SLC8A1: variants seen among roughly 807,000 people sequenced by gnomAD.
SLC8A1 encodes solute carrier family 8 member A1, also known as sodium/calcium exchanger 1.
Under a neutral mutation model 68.3 loss-of-function variants are expected in SLC8A1, and 18 were observed. The observed-to-expected ratio is 0.26, with a 90% CI of 0.18 to 0.39. The LOEUF (loss-of-function observed/expected upper bound fraction) is 0.39. SLC8A1 is among the 10% of genes least tolerant of loss of function. The pLI, the probability that SLC8A1 is intolerant of heterozygous loss-of-function variation, is 1.00. For missense variants in SLC8A1, 985 were observed against 1,156.7 expected, an observed-to-expected ratio of 0.85 and a Z score of 2.15; for synonymous variants, 475 against 415.5, an observed-to-expected ratio of 1.14 and a Z score of -1.74.
chr2:40,323,009 T>C (rs1316736410), intron 2 of SLC8A1, among the ~76,000 whole-genome samples: 1 of 152,172 alleles, frequency 6.6e-6, no homozygotes, highest in East Asian at 1.9e-4. Context: ...TTTAGTTCAA[T>C]AATTTTTATA....
At chr2:40,483,437 G>C (rs1229218966) in intron 1 of SLC8A1, among the ~76,000 whole-genome samples, 5 of 152,182 alleles carry the variant, frequency 3.3e-5, no homozygotes, top group Admixed American at 1.3e-4. Flanking sequence ...AACAGCATGA[G>C]GAAGTATTTG....
chr2:40,158,229 A>G (rs182928745), intron 6 of SLC8A1, among the ~76,000 whole-genome samples: 60 of 152,334 alleles, frequency 3.9e-4, no homozygotes, highest in African/African-American at 1.3e-3. Flanking sequence ...TCTGACTTCA[A>G]TAAATGCTGC....
At chr2:40,239,578 T>A (rs1446577349) in intron 2 of SLC8A1, among the ~76,000 whole-genome samples, 2 of 152,200 alleles carry the variant, frequency 1.3e-5, no homozygotes, top group East Asian at 3.8e-4. Flanking sequence ...CCTCCTCCCA[T>A]GCACAGTCAC....
chr2:40,141,947 A>T (rs2041648338), intron 6 of SLC8A1, among the ~76,000 whole-genome samples: 1 of 152,160 alleles, frequency 6.6e-6, no homozygotes, highest in African/African-American at 2.4e-5. Context: ...TGGCCTCAGG[A>T]GAAATCGAAC....
chr2:40,286,802 C>T (rs538319006), intron 2 of SLC8A1, among the ~76,000 whole-genome samples: 3 of 152,302 alleles, frequency 2.0e-5, no homozygotes, highest in African/African-American at 7.2e-5. Context: ...AATACCAGTG[C>T]TCTATGGATC....
chr2:40,508,679 A>C (rs1706516695), intron 1 of SLC8A1, among the ~76,000 whole-genome samples: 1 of 152,194 alleles, frequency 6.6e-6, no homozygotes, highest in Admixed American at 6.5e-5. Flanking sequence ...TAAAATAAGG[A>C]TTCTGTTAGC....
At chr2:40,298,328 A>G (rs2070800805) in intron 2 of SLC8A1, among the ~76,000 whole-genome samples, 3 of 152,236 alleles carry the variant, frequency 2.0e-5, no homozygotes, top group Admixed American at 2.0e-4. Context: ...CAATCACATT[A>G]CAATGACTAC....
At chr2:40,450,894 C>T (rs1241808730) in intron 1 of SLC8A1, among the ~76,000 whole-genome samples, 1 of 152,126 alleles carries the variant, frequency 6.6e-6, no homozygotes, top group Non-Finnish European at 1.5e-5. Context: ...AACTCAACCA[C>T]TACCACTTTG....
intron 2 of SLC8A1, among the ~76,000 whole-genome samples, chr2:40,205,167 T>A (rs2055152797): frequency 6.6e-6 from 1 of 152,074 alleles, no homozygotes; most frequent in Non-Finnish European, 1.5e-5. Context: ...TAATGTATAA[T>A]TATTAATAGC....
Position 40,282,374 on chromosome 2 carries a change from G to A in SLC8A1, c.1809-104519C>T, listed in dbSNP as rs151229360. Among the ~76,000 whole-genome samples, 9 of 152,200 alleles carry A rather than the reference G, an allele frequency of 5.9e-5. No homozygotes were observed. The East Asian group carries it at 1.5e-3, about 26-fold the overall frequency. On this transcript the variant is annotated intron_variant, in intron 2 of 7. Transcript: ENST00000406785. ...TAAACGAAGGATCTTTTCACACTCA[G>A]CAAGGGTAAAGACTGTCTCTTCTGT...
At chr2:40,356,298 C>G (rs1229042713) in intron 2 of SLC8A1, among the ~76,000 whole-genome samples, 1 of 152,140 alleles carries the variant, frequency 6.6e-6, no homozygotes, top group Non-Finnish European at 1.5e-5. Flanking sequence ...GTGACTGCCA[C>G]ATAGGAAGTA....
intron 2 of SLC8A1, among the ~76,000 whole-genome samples, chr2:40,289,779 T>C (rs2149224446): frequency 6.6e-6 from 1 of 152,032 alleles, no homozygotes; most frequent in East Asian, 1.9e-4. Context: ...GAGAATTGCT[T>C]GAACTTAGGA....
At chr2:40,342,249 A>C (rs1401983290) in intron 2 of SLC8A1, among the ~76,000 whole-genome samples, 1 of 152,176 alleles carries the variant, frequency 6.6e-6, no homozygotes, top group Non-Finnish European at 1.5e-5. Flanking sequence ...TCTAAGATTT[A>C]TTAAATGGCC....
chr2:40,358,616 T>A (rs1673507245), intron 2 of SLC8A1, among the ~76,000 whole-genome samples: 1 of 152,180 alleles, frequency 6.6e-6, no homozygotes, highest in Admixed American at 6.5e-5. Context: ...GCATAACCAT[T>A]TGGTTCTTGC....
chr2:40,367,520 C>CA (rs1676637343), intron 2 of SLC8A1, among the ~76,000 whole-genome samples: 1 of 151,940 alleles, frequency 6.6e-6, no homozygotes, highest in African/African-American at 2.4e-5. Flanking sequence ...AATAGAAACA[C>CA]AATGTACCAA....
chr2:40,214,431 CTATCT>C, intron 2 of SLC8A1, among the ~76,000 whole-genome samples: 1 of 149,852 alleles, frequency 6.7e-6, no homozygotes, highest in Non-Finnish European at 1.5e-5. Context: ...TCTTTGTACA[CTATCT>C]TTTTTTTTTT....
At chr2:40,199,422 C>A (rs1458243843) in intron 2 of SLC8A1, among the ~76,000 whole-genome samples, 1 of 151,470 alleles carries the variant, frequency 6.6e-6, no homozygotes, top group Non-Finnish European at 1.5e-5. Flanking sequence ...GAATAGACCC[C>A]CATAAGGACC....
At chr2:40,464,567 T>A (rs1703548130) in intron 1 of SLC8A1, among the ~76,000 whole-genome samples, 1 of 152,220 alleles carries the variant, frequency 6.6e-6, no homozygotes, top group Non-Finnish European at 1.5e-5. Flanking sequence ...CAATCTTAGC[T>A]TCCAGCTTTC....
In SLC8A1 at chr2:40,326,593, C is replaced by G. The variant is rs147684723; in HGVS notation, c.1808+101880G>C. ...TTAACTATCCTCTTCCTCTCTTTCT[C>G]TTTCTAACTTTCGAACTGCCAAGAG... On this transcript the variant is annotated intron_variant, in intron 2 of 7. Transcript: ENST00000406785. 2.5e-3 allele frequency among the ~76,000 whole-genome samples: 382 copies of G among 152,284 alleles called. 4 individuals carry two copies. Among genetic ancestry groups the G allele is most frequent in the African/African-American group, 8.8e-3 (366 of 41,570 alleles).
Sources: gnomAD v4.1 joint callset for allele counts (sites outside exome capture counted in the v4.1 genomes callset) on GRCh38, gnomAD v4.1.1 for gene constraint, MANE v1.5 for transcripts, NCBI Gene and HGNC (gene_info 2026-07-23, HGNC 2026-07-21) for gene names.